The following KIF26B variants were observed in gnomAD, a reference collection of about 807,000 sequenced individuals.
The protein encoded by KIF26B is kinesin family member 26B, also known as kinesin-like protein KIF26B.
In KIF26B, 63 loss-of-function variants were observed where a neutral mutation model predicts 151.2. That is an observed-to-expected ratio of 0.42 (90% CI 0.34 to 0.51). KIF26B has a LOEUF of 0.51. KIF26B is among the 20% of genes least tolerant of loss of function. KIF26B has a pLI of 0.07. For synonymous variants in KIF26B, 1,357 were observed against 1,262.1 expected (o/e 1.08, Z -1.59); for missense variants, 2,813 against 2,913.6 (o/e 0.97, Z 0.79).
chr1:245,287,909 T>G (rs1333578812), intron 2 of KIF26B, among the ~76,000 whole-genome samples: 1 of 152,072 alleles, frequency 6.6e-6, no homozygotes, highest in African/African-American at 2.4e-5. Context: ...TCTTTCATAC[T>G]TATTTTTCCC....
At chr1:245,305,151 G>A (rs1671512397) in intron 2 of KIF26B, among the ~76,000 whole-genome samples, 1 of 152,172 alleles carries the variant, frequency 6.6e-6, no homozygotes, top group South Asian at 2.1e-4. Context: ...TAACAAAATT[G>A]TTGTCATGTG....
At chr1:245,294,665 C>CT (rs1469012147) in intron 2 of KIF26B, among the ~76,000 whole-genome samples, 10 of 152,160 alleles carry the variant, frequency 6.6e-5, no homozygotes, top group East Asian at 1.9e-4. Context: ...ATTATTATTA[C>CT]TTTTTTTTCC....
At chr1:245,544,035 A>G (rs1366134641) in intron 5 of KIF26B, among the ~76,000 whole-genome samples, 2 of 152,186 alleles carry the variant, frequency 1.3e-5, no homozygotes, top group Non-Finnish European at 2.9e-5. Context: ...CCATTTCAGC[A>G]GGCTCTTACT....
chr1:245,529,838 TA>T (rs879791735), intron 4 of KIF26B, among the ~76,000 whole-genome samples: 38 of 152,072 alleles, frequency 2.5e-4, no homozygotes, highest in Non-Finnish European at 3.5e-4. Context: ...CACATCAGGT[TA>T]AAAAGCTGCC....
chr1:245,395,479 C>T (rs1042969574), intron 3 of KIF26B, among the ~76,000 whole-genome samples: 15 of 152,190 alleles, frequency 9.9e-5, no homozygotes, highest in East Asian at 3.9e-4. Context: ...CCAGGTGCCA[C>T]GTAGACCTTC....
At chr1:245,252,348 A>G (rs1670460266) in intron 2 of KIF26B, among the ~76,000 whole-genome samples, 1 of 151,616 alleles carries the variant, frequency 6.6e-6, no homozygotes, top group Admixed American at 6.6e-5. Context: ...CTCTTCATTC[A>G]TGTATGTTTT....
chr1:245,340,704 A>T (rs1015486686), intron 2 of KIF26B, among the ~76,000 whole-genome samples: 5 of 152,232 alleles, frequency 3.3e-5, no homozygotes, highest in Non-Finnish European at 7.3e-5. Flanking sequence ...CAATGAAGAT[A>T]AGAGGCATTC....
At chr1:245,694,000 G>A (rs1440586568) in intron 12 of KIF26B, among the ~76,000 whole-genome samples, 1 of 152,216 alleles carries the variant, frequency 6.6e-6, no homozygotes, top group Admixed American at 6.5e-5. Context: ...CACCAAGGAA[G>A]CTCCTTAGAA....
At chr1:245,306,033 A>G (rs887012205) in intron 2 of KIF26B, among the ~76,000 whole-genome samples, 2 of 152,012 alleles carry the variant, frequency 1.3e-5, no homozygotes, top group African/African-American at 4.8e-5. Flanking sequence ...ACACAATGTT[A>G]TCATATGACC....
At chr1:245,484,978 T>C (rs1002225119) in intron 4 of KIF26B, among the ~76,000 whole-genome samples, 1 of 152,086 alleles carries the variant, frequency 6.6e-6, no homozygotes, top group Non-Finnish European at 1.5e-5. Context: ...TGACCAAGTA[T>C]TCAACAGAGG....
intron 4 of KIF26B, among the ~76,000 whole-genome samples, chr1:245,466,093 A>T (rs1461682856): frequency 2.6e-5 from 4 of 152,126 alleles, no homozygotes; most frequent in African/African-American, 9.7e-5. Flanking sequence ...AACACACCAA[A>T]TGTGGCATAT....
intron 3 of KIF26B, among the ~76,000 whole-genome samples, chr1:245,411,649 G>A (rs933166058): frequency 5.3e-5 from 8 of 152,192 alleles, no homozygotes; most frequent in African/African-American, 7.2e-5. Flanking sequence ...GTCTGGTGGG[G>A]TGACAAAGTG....
At chr1:245,535,831 C>A (rs1661477221) in intron 4 of KIF26B, among the ~76,000 whole-genome samples, 1 of 152,160 alleles carries the variant, frequency 6.6e-6, no homozygotes, top group African/African-American at 2.4e-5. Context: ...TATATTCTTT[C>A]AAAGGATCAT....
intron 4 of KIF26B, among the ~76,000 whole-genome samples, chr1:245,514,147 A>G (rs940795406): frequency 1.3e-5 from 2 of 152,248 alleles, no homozygotes. Context: ...TAATTAGCTC[A>G]GTCTAGCTAT....
chr1:245,177,694 G>C (rs6676674), intron 2 of KIF26B, among the ~76,000 whole-genome samples: 1 of 149,794 alleles, frequency 6.7e-6, no homozygotes, highest in Non-Finnish European at 1.5e-5. Context: ...GTGTGTGTGT[G>C]TCTTTCCCCC....
At chr1:245,440,236 T>G (rs1057013375) in intron 4 of KIF26B, among the ~76,000 whole-genome samples, 1 of 148,418 alleles carries the variant, frequency 6.7e-6, no homozygotes, top group African/African-American at 2.5e-5. Flanking sequence ...AAAAAAAAAC[T>G]AAAAGGTTCT....
rs934316662 is a variant in KIF26B, at chr1:245,516,892, G to A, written c.1167-23875G>A. Reference sequence around the variant, plus strand: ...AGCTGGTGATTGGCGGAGTTTGGGGGTGGGGAGGGGGCGCTGGGCTGATTG... The same window carrying A: ...AGCTGGTGATTGGCGGAGTTTGGGGATGGGGAGGGGGCGCTGGGCTGATTG... On this transcript the variant is annotated intron_variant, in intron 4 of 14. Coordinates refer to ENST00000407071, the MANE Select transcript of KIF26B (RefSeq NM_018012.4). This position sits in a 1 kb window ranked among gnomAD's most constrained non-coding sequence, Gnocchi z 4.2. Among the ~76,000 whole-genome samples, 7 of 151,990 alleles carry A rather than the reference G, an allele frequency of 4.6e-5. No homozygotes were observed. The East Asian group carries it at 1.4e-3, about 29-fold the overall frequency.
At chr1:245,539,467 C>T (rs1661554659) in intron 4 of KIF26B, among the ~76,000 whole-genome samples, 1 of 152,088 alleles carries the variant, frequency 6.6e-6, no homozygotes, top group African/African-American at 2.4e-5. Context: ...TCAGGGCGGT[C>T]CTTTCATTTT....
intron 10 of KIF26B, among the ~76,000 whole-genome samples, chr1:245,670,245 C>CATAT (rs10584392): frequency 0.035 from 4,704 of 134,288 alleles, 97 homozygotes; most frequent in Middle Eastern, 0.059. Flanking sequence ...TGTGTATATC[C>CATAT]ATATATATAT....
Sources: gnomAD v4.1 joint callset for allele counts (sites outside exome capture counted in the v4.1 genomes callset) on GRCh38, gnomAD v4.1.1 for gene constraint, Gnocchi (gnomAD v3.1) non-coding constraint, MANE v1.5 for transcripts, NCBI Gene and HGNC (gene_info 2026-07-23, HGNC 2026-07-21) for gene names.